PTPN21: variants seen among roughly 807,000 people sequenced by gnomAD.
The protein encoded by PTPN21 is tyrosine-protein phosphatase non-receptor type 21.
Under a neutral mutation model 131.8 loss-of-function variants are expected in PTPN21, and 77 were observed. The observed-to-expected ratio is 0.58, with a 90% CI of 0.49 to 0.71. PTPN21 has a LOEUF of 0.71. Ranked by LOEUF, PTPN21 falls within the 30% of genes least tolerant of loss-of-function variation. The pLI, the probability that PTPN21 is intolerant of heterozygous loss-of-function variation, is 0.00. For synonymous variants in PTPN21, 715 were observed against 621.3 expected, an observed-to-expected ratio of 1.15 and a Z score of -2.24; for missense variants, 1,552 against 1,527.1, an observed-to-expected ratio of 1.02 and a Z score of -0.27.
chr14:88,553,836 C>A (rs2078894112), intron 1 of PTPN21, among the ~76,000 whole-genome samples: 1 of 152,070 alleles, frequency 6.6e-6, no homozygotes, highest in Admixed American at 6.6e-5. Flanking sequence ...TGTAATTTTG[C>A]CAAAGTTGCT....
At position 88,532,617 on chromosome 14, in the gene PTPN21, T is replaced by G. The variant is rs370959280; in HGVS notation, c.181-15356A>C. Among the ~76,000 whole-genome samples the G allele has an allele frequency of 9.0e-4, 137 of 152,318 alleles. 1 individual carries two copies. The highest frequency in any genetic ancestry group is 3.1e-3 in the African/African-American group (130 of 41,568). ...ATTTCTCCTATCTCTTTTATGGATT[T>G]TTTTTCTTATTTTATACATACTTTT... On this transcript the variant is annotated intron_variant, in intron 2 of 18. Transcript: ENST00000556564.
At chr14:88,518,419 T>TTATA (rs2078335083) in intron 2 of PTPN21, among the ~76,000 whole-genome samples, 1 of 20,750 alleles carries the variant, frequency 4.8e-5, no homozygotes. Flanking sequence ...TATATATTTT[T>TTATA]TTTTTTTTTT....
chr14:88,536,419 G>T, intron 2 of PTPN21, among the ~76,000 whole-genome samples: 1 of 152,146 alleles, frequency 6.6e-6, no homozygotes, highest in East Asian at 1.9e-4. Context: ...AGCACAATAT[G>T]GTTGACTTAC....
At chr14:88,490,666 T>G (rs1257732649) in intron 10 of PTPN21, among the ~76,000 whole-genome samples, 2 of 152,158 alleles carry the variant, frequency 1.3e-5, no homozygotes, top group Non-Finnish European at 2.9e-5. Context: ...CTAGTCAGTC[T>G]CCTGATTACA....
intron 4 of PTPN21, 68 bp from the exon 5 acceptor site, chr14:88,505,439 T>C (rs2078072920): frequency 2.7e-6 from 3 of 1,092,220 alleles, no homozygotes; most frequent in Non-Finnish European, 1.4e-6. Context: ...CACAACAAAA[T>C]TCAATACGCA....
chr14:88,531,819 G>C (rs1033073552), intron 2 of PTPN21, among the ~76,000 whole-genome samples: 1 of 152,028 alleles, frequency 6.6e-6, no homozygotes, highest in African/African-American at 2.4e-5. Flanking sequence ...AAAACAAAAA[G>C]CTGGTTCTTT....
In PTPN21 at chr14:88,480,208, G is replaced by A. The variant is rs1566815021; in HGVS notation, c.1223C>T (p.Pro408Leu). 6.2e-7 allele frequency: 1 copy of A among 1,614,168 alleles called. No individual in the cohort carries two copies. The highest frequency in any genetic ancestry group is 2.2e-5 in the East Asian group (1 of 44,880). ...CGACATCGGCGAGGGCTGCAAGTAG[G>A]GCTGAGGATTATTTAAGGAGTTGGT... Reference protein sequence around the residue: ...HSTNSLNNPQPYLQPSPMSSN... With the variant: ...HSTNSLNNPQLYLQPSPMSSN... Residue 408 changes from proline (P) to leucine (L), a missense_variant, in exon 13 of 19, where the codon CCC becomes CTC. Around this residue, in one of 4 missense-constraint regions of PTPN21, gnomAD observed 1,016 missense variants for 883.5 expected, o/e 1.15. Coordinates refer to ENST00000556564, the MANE Select transcript of PTPN21 (RefSeq NM_007039.4).
At position 88,476,736 on chromosome 14, in the gene PTPN21, A is replaced by G. The variant is rs28477163; in HGVS notation, c.2511+2184T>C. On this transcript the variant is annotated intron_variant, in intron 13 of 18. Transcript: ENST00000556564. ...CTCAGCCCCAACGTTCTTAACTTGTAGGACCTTTGCTCTTTCCTCGTGACC... is the reference window on the plus strand; with the variant it reads ...CTCAGCCCCAACGTTCTTAACTTGTGGGACCTTTGCTCTTTCCTCGTGACC... Among the ~76,000 whole-genome samples the G allele has an allele frequency of 7.6e-3, 1,151 of 152,304 alleles. 14 individuals carry two copies. The highest frequency in any genetic ancestry group is 0.026 in the African/African-American group (1,098 of 41,552).
At chr14:88,528,882 T>C (rs1043769355) in intron 2 of PTPN21, among the ~76,000 whole-genome samples, 1 of 152,206 alleles carries the variant, frequency 6.6e-6, no homozygotes, top group African/African-American at 2.4e-5. Context: ...GCTTTTTGGA[T>C]GAGTCTTAGG....
At chr14:88,522,902 T>C (rs1426114020) in intron 2 of PTPN21, among the ~76,000 whole-genome samples, 2 of 152,130 alleles carry the variant, frequency 1.3e-5, no homozygotes, top group African/African-American at 4.8e-5. Flanking sequence ...CAACAAAGTA[T>C]TGTGATTAAA....
rs2077502387 is a variant in PTPN21 at position 88,473,595 on chromosome 14, T to C, written c.2649+70A>G. 4.0e-6 allele frequency: 6 copies of C among 1,516,462 alleles called. 1 individual carries two copies. Among genetic ancestry groups the C allele is most frequent in the Non-Finnish European group, 4.4e-6 (5 of 1,130,390 alleles). The allele number at this position is 1,516,462 out of a possible 1,614,324, so 93.9% of individuals were successfully genotyped here. On this transcript the variant is annotated intron_variant, in intron 14 of 18. Coordinates refer to ENST00000556564, the MANE Select transcript of PTPN21 (RefSeq NM_007039.4). ...TGTTAGAAAATTCACCAAAATCTCA[T>C]GAAGGCATTTGCGTAGTATTTACCG...
chr14:88,541,304 A>G (rs2078702130), intron 2 of PTPN21, among the ~76,000 whole-genome samples: 1 of 152,212 alleles, frequency 6.6e-6, no homozygotes, highest in Non-Finnish European at 1.5e-5. Flanking sequence ...AGATAAAGGA[A>G]ATCTAAGTGA....
At chr14:88,468,334 G>T in intron 18 of PTPN21, 69 bp from the exon 19 acceptor site, 1 of 1,421,442 alleles carries the variant, frequency 7.0e-7, no homozygotes, top group Non-Finnish European at 9.5e-7. Context: ...GGGAGGACAC[G>T]AGTGTCCTGG....
At chr14:88,493,102 T>G in intron 10 of PTPN21, 2 of 456,650 alleles carry the variant, frequency 4.4e-6, no homozygotes, top group Non-Finnish European at 8.8e-6. Flanking sequence ...TTCACTTCTG[T>G]AAGTCTCCAT....
chr14:88,518,122 G>GTAGC (rs1326564946), intron 2 of PTPN21, among the ~76,000 whole-genome samples: 36 of 138,354 alleles, frequency 2.6e-4, no homozygotes, highest in African/African-American at 9.4e-4. Flanking sequence ...CTGAATATGA[G>GTAGC]TAGCTAGTTA....
At chr14:88,535,917 A>C (rs908486709) in intron 2 of PTPN21, among the ~76,000 whole-genome samples, 2 of 152,220 alleles carry the variant, frequency 1.3e-5, no homozygotes, top group African/African-American at 4.8e-5. Context: ...GAGTTCGTTT[A>C]ATTGTAACAG....
At chr14:88,552,512 C>G (rs1411768025) in intron 1 of PTPN21, 3 of 152,134 alleles carry the variant, frequency 2.0e-5, no homozygotes, top group African/African-American at 7.2e-5. Flanking sequence ...ACGGTTTTAT[C>G]TGGCTAGTTT....
chr14:88,530,736 T>C (rs1449146107), intron 2 of PTPN21, among the ~76,000 whole-genome samples: 1 of 152,074 alleles, frequency 6.6e-6, no homozygotes, highest in Non-Finnish European at 1.5e-5. Flanking sequence ...CAGGAAAATA[T>C]TACCATCCTA....
chr14:88,530,691 A>G (rs2078544645), intron 2 of PTPN21, among the ~76,000 whole-genome samples: 1 of 152,218 alleles, frequency 6.6e-6, no homozygotes, highest in Non-Finnish European at 1.5e-5. Flanking sequence ...AAAGACAAAG[A>G]GGGACATTAT....
Sources: allele counts gnomAD v4.1 joint callset (sites outside exome capture counted in the v4.1 genomes callset), GRCh38; gene constraint gnomAD v4.1.1; regional missense constraint gnomAD v4.1.1; transcripts MANE v1.5; gene names NCBI Gene and HGNC (gene_info 2026-07-23, HGNC 2026-07-21).